Variants in CELF4 observed in about 807,000 individuals in gnomAD.
CELF4 encodes the protein CUGBP Elav-like family member 4.
CELF4 carries 18 observed loss-of-function variants against 59.9 expected under a neutral mutation model. The observed-to-expected ratio is 0.30, with a 90% CI of 0.21 to 0.45. The LOEUF (loss-of-function observed/expected upper bound fraction) is 0.45, where lower values mean the gene tolerates loss of function less well. Ranked by LOEUF, CELF4 falls within the 20% of genes least tolerant of loss-of-function variation. The pLI is 1.00. For synonymous variants in CELF4, 261 were observed against 267.1 expected, an observed-to-expected ratio of 0.98 and a Z score of 0.22; for missense variants, 456 against 689.0, an observed-to-expected ratio of 0.66 and a Z score of 3.79.
At chr18:37,332,514 T>C (rs1436604849) in intron 2 of CELF4, among the ~76,000 whole-genome samples, 1 of 151,862 alleles carries the variant, frequency 6.6e-6, no homozygotes, top group African/African-American at 2.4e-5. Flanking sequence ...CTCTCTCCCA[T>C]CCCTCTCCGA....
intron 1 of CELF4, among the ~76,000 whole-genome samples, chr18:37,527,741 C>G (rs1284860468): frequency 1.3e-5 from 2 of 152,178 alleles, no homozygotes; most frequent in Admixed American, 1.3e-4. Context: ...CAGTCAACCC[C>G]CTCTGTGCAT....
intron 2 of CELF4, among the ~76,000 whole-genome samples, chr18:37,464,137 A>G (rs1603641830): frequency 6.6e-6 from 1 of 152,216 alleles, no homozygotes; most frequent in Non-Finnish European, 1.5e-5. Flanking sequence ...CTAGCTTCTA[A>G]ATTAGCGGTG....
chr18:37,524,371 G>A (rs1161011224), intron 1 of CELF4, among the ~76,000 whole-genome samples: 1 of 152,164 alleles, frequency 6.6e-6, no homozygotes, highest in African/African-American at 2.4e-5. Context: ...CGAGGAATAA[G>A]GAGTCCAGGG....
At chr18:37,505,104 G>T (rs1218003700) in intron 1 of CELF4, among the ~76,000 whole-genome samples, 2 of 151,084 alleles carry the variant, frequency 1.3e-5, no homozygotes, top group Non-Finnish European at 1.5e-5. Context: ...AGGGGCAGGG[G>T]GCAACTGTCC....
intron 2 of CELF4, among the ~76,000 whole-genome samples, chr18:37,394,683 G>C (rs1376631492): frequency 6.6e-6 from 1 of 152,178 alleles, no homozygotes; most frequent in African/African-American, 2.4e-5. Flanking sequence ...TGCAGACATG[G>C]GGGGTGTCAC....
chr18:37,453,760 C>G (rs910632087), intron 2 of CELF4, among the ~76,000 whole-genome samples: 1 of 152,120 alleles, frequency 6.6e-6, no homozygotes, highest in Non-Finnish European at 1.5e-5. Context: ...ACTGCAGTCA[C>G]TGGATGGCCA....
chr18:37,501,583 A>C (rs1372193499), intron 1 of CELF4, among the ~76,000 whole-genome samples: 1 of 152,234 alleles, frequency 6.6e-6, no homozygotes, highest in Non-Finnish European at 1.5e-5. Flanking sequence ...ATATGGAGGA[A>C]GCCAGGTAAG....
At chr18:37,383,531 A>G (rs2099065846) in intron 2 of CELF4, among the ~76,000 whole-genome samples, 1 of 152,252 alleles carries the variant, frequency 6.6e-6, no homozygotes, top group African/African-American at 2.4e-5. Flanking sequence ...AAACTCTGTT[A>G]TACATAATAC....
chr18:37,386,723 AATCTTT>A (rs1036087392), intron 2 of CELF4, among the ~76,000 whole-genome samples: 9 of 152,178 alleles, frequency 5.9e-5, no homozygotes, highest in African/African-American at 2.2e-4. Context: ...CTTTCTCAAT[AATCTTT>A]AACTGTTATG....
chr18:37,541,796 CTTG>C (rs2099978043), intron 1 of CELF4, among the ~76,000 whole-genome samples: 1 of 152,028 alleles, frequency 6.6e-6, no homozygotes, highest in South Asian at 2.1e-4. Flanking sequence ...GCCATGTCTG[CTTG>C]TTGTTTGGAT....
intron 2 of CELF4, among the ~76,000 whole-genome samples, chr18:37,469,143 G>A (rs2099815478): frequency 6.6e-6 from 1 of 152,114 alleles, no homozygotes. Flanking sequence ...CAACTTTTAG[G>A]GAGCAGGGCA....
rs562382776 is a variant in CELF4 at position 37,388,019 on chromosome 18, C to T, written c.370-66138G>A. On this transcript the variant is annotated intron_variant, in intron 2 of 12. Coordinates refer to ENST00000420428, the MANE Select transcript of CELF4 (RefSeq NM_020180.4). ...CCTCTGTGGCCTTTATTGTCATTGT[C>T]CCTGCTTTAATGCCACACTCGGTGG... Among the ~76,000 whole-genome samples, 49 of 151,952 alleles carry T rather than the reference C, an allele frequency of 3.2e-4. No individual in the cohort carries two copies. In the South Asian group the frequency reaches 0.01, roughly 31 times the overall value.
intron 2 of CELF4, among the ~76,000 whole-genome samples, chr18:37,390,209 A>G (rs2099143885): frequency 6.6e-6 from 1 of 152,122 alleles, no homozygotes; most frequent in African/African-American, 2.4e-5. Context: ...AGCGTGGGTT[A>G]TGGAGGCGCC....
At chr18:37,386,364 G>A (rs2099099266) in intron 2 of CELF4, among the ~76,000 whole-genome samples, 1 of 152,220 alleles carries the variant, frequency 6.6e-6, no homozygotes, top group South Asian at 2.1e-4. Flanking sequence ...GAGAGTGGTG[G>A]CTTACAGTGG....
intron 3 of CELF4, among the ~76,000 whole-genome samples, chr18:37,310,518 A>G (rs757000306): frequency 5.9e-5 from 9 of 151,938 alleles, no homozygotes; most frequent in Non-Finnish European, 1.2e-4. Context: ...AGTTCAGATT[A>G]TTTTCCCACT....
chr18:37,445,731 C>T (rs1290751630), intron 2 of CELF4, among the ~76,000 whole-genome samples: 4 of 151,984 alleles, frequency 2.6e-5, no homozygotes, highest in South Asian at 4.2e-4. Context: ...GGCATAAGTC[C>T]GATGCATTCC....
At chr18:37,563,395 A>C (rs2154606375) in intron 1 of CELF4, among the ~76,000 whole-genome samples, 1 of 152,176 alleles carries the variant, frequency 6.6e-6, no homozygotes, top group African/African-American at 2.4e-5. Context: ...CACCATAAAA[A>C]CTGATCATTA....
At chr18:37,325,967 A>C (rs1384941325) in intron 2 of CELF4, among the ~76,000 whole-genome samples, 1 of 152,206 alleles carries the variant, frequency 6.6e-6, no homozygotes. Flanking sequence ...TTGGTCGGGA[A>C]GATTTCTCAG....
At chr18:37,284,413 T>C (rs1193476335) in intron 3 of CELF4, among the ~76,000 whole-genome samples, 1 of 149,868 alleles carries the variant, frequency 6.7e-6, no homozygotes, top group Non-Finnish European at 1.5e-5. Flanking sequence ...GAGCCTGGCC[T>C]GGGCCTCCAA....
Sources: allele counts gnomAD v4.1 joint callset (sites outside exome capture counted in the v4.1 genomes callset), GRCh38; gene constraint gnomAD v4.1.1; transcripts MANE v1.5; gene names NCBI Gene and HGNC (gene_info 2026-07-23, HGNC 2026-07-21).